The following THBS4 variants were observed in gnomAD, a reference collection of about 807,000 sequenced individuals.
THBS4 encodes the protein thrombospondin 4.
THBS4 carries 90 observed loss-of-function variants against 115.7 expected under a neutral mutation model. The observed-to-expected ratio is 0.78, with a 90% CI of 0.66 to 0.93. The LOEUF (loss-of-function observed/expected upper bound fraction) is 0.93. Ranked by LOEUF, THBS4 falls within the 40% of genes least tolerant of loss-of-function variation. THBS4 has a pLI of 0.00. For synonymous variants in THBS4, 460 were observed against 479.3 expected (o/e 0.96, Z 0.53); for missense variants, 1,087 against 1,232.7 (o/e 0.88, Z 1.77).
intron 3 of THBS4, 144 bp downstream of exon 3, chr5:80,056,176 A>C (rs1328975492): frequency 9.3e-7 from 1 of 1,072,926 alleles, no homozygotes; most frequent in Non-Finnish European, 1.3e-6. Context: ...GGAGCTTGAA[A>C]AGCAAGTGAT....
chr5:80,036,072 A>G, intron 1 of THBS4: 1 of 989,406 alleles, frequency 1.0e-6, no homozygotes, highest in Non-Finnish European at 1.2e-6. Flanking sequence ...AGAAAGACGC[A>G]GAATTACTCT....
At chr5:80,012,065 C>G (rs1485804489) in intron 2 of THBS4, among the ~76,000 whole-genome samples, 3 of 151,918 alleles carry the variant, frequency 2.0e-5, no homozygotes, top group African/African-American at 7.3e-5. Context: ...CACCAAACCC[C>G]CATGACATGC....
chr5:80,036,160 G>T, intron 1 of THBS4: 3 of 985,484 alleles, frequency 3.0e-6, no homozygotes, highest in Non-Finnish European at 3.6e-6. Context: ...GGATTGGCTT[G>T]ATGTCTTAAT....
chr5:79,997,143 C>T (rs1352287328), intron 1 of THBS4, among the ~76,000 whole-genome samples: 1 of 150,058 alleles, frequency 6.7e-6, no homozygotes. Context: ...TGAGAATAAA[C>T]AGAAAACAGG....
intron 2 of THBS4, among the ~76,000 whole-genome samples, chr5:80,020,503 A>C (rs111869579): frequency 2.6e-5 from 4 of 151,862 alleles, no homozygotes; most frequent in Non-Finnish European, 4.4e-5. Flanking sequence ...AACAAACAAA[A>C]AAAGAAAGTG....
chr5:80,082,525 A>C lies in THBS4; in HGVS notation c.2804A>C (p.Asn935Thr). Residue 935 changes from asparagine to threonine, a missense_variant, in exon 21 of 22, where the codon AAC becomes ACC. Around this residue, in one of 3 missense-constraint regions of THBS4, gnomAD observed 103 missense variants for 108.2 expected, o/e 0.95. Coordinates refer to ENST00000350881, the MANE Select transcript of THBS4 (RefSeq NM_003248.6). The part of the protein sequence containing the change: ...CFSQENIIWS[N>T]LKYRCNDTIP... Reference sequence around the variant, plus strand: ...TCTCAAGAAAACATCATCTGGTCCAACCTCAAGTATCGCTGCAATGGTAAT... The same window carrying C: ...TCTCAAGAAAACATCATCTGGTCCACCCTCAAGTATCGCTGCAATGGTAAT... 6.2e-7 allele frequency: 1 copy of C among 1,614,158 alleles called. No homozygotes were observed. The highest frequency in any genetic ancestry group is 8.5e-7 in the Non-Finnish European group (1 of 1,180,040).
At chr5:80,005,791 G>A (rs539947461) in intron 2 of THBS4, among the ~76,000 whole-genome samples, 2 of 142,276 alleles carry the variant, frequency 1.4e-5, no homozygotes, top group Admixed American at 7.2e-5. Flanking sequence ...TTTTGAGACG[G>A]AGTCTCACTC....
At chr5:80,080,960 A>G (rs1040386861) in intron 20 of THBS4, among the ~76,000 whole-genome samples, 5 of 152,084 alleles carry the variant, frequency 3.3e-5, no homozygotes. Flanking sequence ...GCATGAACTG[A>G]TCATCATGTA....
chr5:80,050,550 G>A (rs1053053029), intron 2 of THBS4, among the ~76,000 whole-genome samples: 3 of 152,170 alleles, frequency 2.0e-5, no homozygotes, highest in African/African-American at 7.2e-5. Flanking sequence ...CAATAGTGAT[G>A]TTCCCCCAAT....
intron 14 of THBS4, 72 bp from the exon 15 acceptor site, chr5:80,073,203 A>T: frequency 6.8e-7 from 1 of 1,460,516 alleles, no homozygotes. Context: ...ATGATGGGTG[A>T]GGTCTGCCTT....
chr5:79,999,360 A>G (rs922906027), intron 2 of THBS4, among the ~76,000 whole-genome samples: 1 of 152,348 alleles, frequency 6.6e-6, no homozygotes, highest in Admixed American at 6.5e-5. Flanking sequence ...AAATAGATGT[A>G]TTTATTCATA....
chr5:80,066,027 G>A (rs538828729), intron 9 of THBS4, among the ~76,000 whole-genome samples: 213 of 150,790 alleles, frequency 1.4e-3, no homozygotes, highest in African/African-American at 5.1e-3. Flanking sequence ...CCCGGCAGGC[G>A]GAGCTTGCAG....
At chr5:80,058,609 A>G in intron 4 of THBS4, 99 bp from the exon 5 acceptor site, 1 of 1,067,716 alleles carries the variant, frequency 9.4e-7, no homozygotes, top group Admixed American at 1.8e-5. Flanking sequence ...TTTTTGAATC[A>G]TCTTGTCAGG....
chr5:80,035,461 A>G lies in THBS4; in HGVS notation c.-77A>G, dbSNP rs1580929225. The stretch of plus-strand genomic sequence containing the variant: ...CGGCCCGGGCGCCGACCGAGGTTCA[A>G]CGCACGGCCCGGGGACCCCCAGGCG... On this transcript the variant is annotated 5_prime_UTR_variant, in exon 1 of 22. Transcript: ENST00000350881. This position sits in a 1 kb window ranked among gnomAD's most constrained non-coding sequence, Gnocchi z 4.6. 7 of 1,081,198 alleles carry G rather than the reference A, an allele frequency of 6.5e-6. No homozygotes were observed. In the East Asian group the frequency reaches 2.3e-4, roughly 36 times the overall value. 67.0% of individuals were successfully genotyped at this position (1,081,198 alleles called of 1,614,324 possible).
rs141117061 is a variant in THBS4 at position 80,059,724 on chromosome 5, C to T, written c.806C>T (p.Pro269Leu). The change falls in exon 7 of 22, where the codon CCG becomes CTG. Residue 269 changes from proline to leucine, a missense_variant. Pro to Leu is a moderately conservative substitution (Grantham distance 98, BLOSUM62 -3). Around this residue, in one of 3 missense-constraint regions of THBS4, gnomAD observed 979 missense variants for 1,103.7 expected, o/e 0.89. Transcript: ENST00000350881. ...CTAGGTCCTCTCAAGTTTCAGTCTC[C>T]GACCCCAAGCACGGTGGTGCCCCCG... ...QACGPLKFQS[P>L]TPSTVVPPAP... 17 of 1,614,036 alleles carry T rather than the reference C, an allele frequency of 1.1e-5. No homozygotes were observed. The highest frequency in any genetic ancestry group is 6.7e-5 in the Admixed American group (4 of 59,998).
At chr5:80,066,279 C>T (rs1429717861) in intron 9 of THBS4, 1 of 152,126 alleles carries the variant, frequency 6.6e-6, no homozygotes, top group African/African-American at 2.4e-5. Context: ...CTACTGATTA[C>T]GTGTATGACT....
At chr5:80,023,813 A>G (rs918763095) in intron 2 of THBS4, among the ~76,000 whole-genome samples, 10 of 152,174 alleles carry the variant, frequency 6.6e-5, no homozygotes, top group African/African-American at 2.4e-4. Context: ...AAGAGATCAC[A>G]TGGTGGGAGG....
chr5:80,069,069 C>T (rs536951063), intron 10 of THBS4, among the ~76,000 whole-genome samples: 1 of 152,234 alleles, frequency 6.6e-6, no homozygotes, highest in Non-Finnish European at 1.5e-5. Context: ...CAGCTGCCCC[C>T]CTCCTCTGCA....
intron 2 of THBS4, among the ~76,000 whole-genome samples, chr5:79,999,965 G>T (rs747367293): frequency 2.0e-4 from 30 of 152,308 alleles, no homozygotes; most frequent in Non-Finnish European, 3.7e-4. Flanking sequence ...GGTGTTTACA[G>T]TTGGGTATTG....
Sources: gnomAD v4.1 joint callset for allele counts (sites outside exome capture counted in the v4.1 genomes callset) on GRCh38, gnomAD v4.1.1 for gene constraint, gnomAD v4.1.1 regional missense constraint, Gnocchi (gnomAD v3.1) non-coding constraint, MANE v1.5 for transcripts, NCBI Gene and HGNC (gene_info 2026-07-23, HGNC 2026-07-21) for gene names.